The following DCC variants were observed in gnomAD, a reference collection of about 807,000 sequenced individuals.
The protein encoded by DCC is DCC netrin 1 receptor.
Under a neutral mutation model 172.5 loss-of-function variants are expected in DCC, and 58 were observed. That is an observed-to-expected ratio of 0.34 (90% CI 0.27 to 0.42). The LOEUF is 0.42. DCC is among the 10% of genes least tolerant of loss of function. The probability of loss-of-function intolerance (pLI) is 1.00; values close to 1 mark genes in which losing one functional copy is unlikely to be tolerated. For synonymous variants in DCC, 709 were observed against 644.5 expected (o/e 1.10, Z -1.52); for missense variants, 1,740 against 1,791.0 (o/e 0.97, Z 0.51).
At chr18:52,970,052 T>C (rs1460003253) in intron 5 of DCC, among the ~76,000 whole-genome samples, 3 of 152,178 alleles carry the variant, frequency 2.0e-5, no homozygotes, top group Admixed American at 6.6e-5. Context: ...TAAAGAATTA[T>C]GATTTTATGG....
chr18:52,541,815 C>T (rs867166743), intron 1 of DCC, among the ~76,000 whole-genome samples: 2 of 147,694 alleles, frequency 1.4e-5, no homozygotes, highest in South Asian at 2.1e-4. Context: ...TTTTGGGAAG[C>T]TCCTTGTATG....
intron 27 of DCC, among the ~76,000 whole-genome samples, chr18:53,525,490 G>A (rs2046444650): frequency 6.6e-6 from 1 of 152,072 alleles, no homozygotes; most frequent in South Asian, 2.1e-4. Flanking sequence ...GTCACGGGAT[G>A]GGAAAAGATG....
intron 1 of DCC, among the ~76,000 whole-genome samples, chr18:52,492,431 A>G (rs2030549624): frequency 6.6e-6 from 1 of 151,946 alleles, no homozygotes; most frequent in Admixed American, 6.6e-5. Flanking sequence ...CTTGAGAGAA[A>G]AAGATGAGAT....
intron 5 of DCC, among the ~76,000 whole-genome samples, chr18:53,048,842 C>T (rs960346029): frequency 8.6e-5 from 13 of 151,802 alleles, no homozygotes; most frequent in African/African-American, 2.9e-4. Flanking sequence ...CTCACCAGCA[C>T]CTGTTATTTT....
intron 15 of DCC, among the ~76,000 whole-genome samples, chr18:53,353,330 T>TA (rs2057834525): frequency 1.3e-5 from 2 of 151,226 alleles, no homozygotes; most frequent in African/African-American, 4.9e-5. Flanking sequence ...TCTATTTTTT[T>TA]AAAAAAACTA....
chr18:53,169,533 CA>C, intron 8 of DCC, among the ~76,000 whole-genome samples: 1 of 152,232 alleles, frequency 6.6e-6, no homozygotes, highest in East Asian at 1.9e-4. Context: ...GGCTTAACTC[CA>C]CCACACTGCC....
chr18:52,423,552 A>G lies in DCC; in HGVS notation c.91+82674A>G, dbSNP rs538832000. 4.9e-5 allele frequency among the ~76,000 whole-genome samples: 7 copies of G among 144,306 alleles called. No individual in the cohort carries two copies. The East Asian group carries it at 1.0e-3, about 21-fold the overall frequency. 94.7% of individuals were successfully genotyped at this position (144,306 alleles called of 152,430 possible). Reference sequence around the variant, plus strand: ...ATGAAGCCTGCTTTTCTCCTGTCAGAAAAAAAAAAAAAGTTTCCATTCTGT... The same window carrying G: ...ATGAAGCCTGCTTTTCTCCTGTCAGGAAAAAAAAAAAAGTTTCCATTCTGT... On this transcript the variant is annotated intron_variant, in intron 1 of 28. Coordinates refer to ENST00000442544, the MANE Select transcript of DCC (RefSeq NM_005215.4).
chr18:53,425,553 G>T (rs181564137), intron 21 of DCC, among the ~76,000 whole-genome samples: 1 of 151,816 alleles, frequency 6.6e-6, no homozygotes, highest in East Asian at 1.9e-4. Flanking sequence ...GTAGCGGTGG[G>T]GTTTCACCAT....
At chr18:52,614,022 G>C (rs1316450491) in intron 1 of DCC, among the ~76,000 whole-genome samples, 1 of 152,144 alleles carries the variant, frequency 6.6e-6, no homozygotes, top group Non-Finnish European at 1.5e-5. Context: ...AGGGATTCCA[G>C]ACTGTTCTGG....
chr18:52,491,050 T>C (rs1163438646), intron 1 of DCC, among the ~76,000 whole-genome samples: 1 of 152,136 alleles, frequency 6.6e-6, no homozygotes, highest in Non-Finnish European at 1.5e-5. Context: ...CAGTTCCATT[T>C]AACACCTCTT....
intron 16 of DCC, among the ~76,000 whole-genome samples, chr18:53,389,463 T>C (rs779748187): frequency 4.6e-5 from 7 of 152,182 alleles, no homozygotes; most frequent in Non-Finnish European, 1.0e-4. Context: ...CACTAGGTTT[T>C]TATAGCAATT....
chr18:53,228,867 A>C (rs1400118684), intron 12 of DCC, among the ~76,000 whole-genome samples: 1 of 152,186 alleles, frequency 6.6e-6, no homozygotes, highest in Non-Finnish European at 1.5e-5. Context: ...CTAGTGCATT[A>C]TTAGTTGCAG....
At chr18:52,511,298 A>G (rs1053680169) in intron 1 of DCC, among the ~76,000 whole-genome samples, 1 of 142,590 alleles carries the variant, frequency 7.0e-6, no homozygotes, top group Non-Finnish European at 1.6e-5. Context: ...AAAAAAAAAA[A>G]GAAAGAAAGA....
chr18:53,114,944 G>A (rs1411503024), intron 7 of DCC, among the ~76,000 whole-genome samples: 1 of 151,646 alleles, frequency 6.6e-6, no homozygotes, highest in African/African-American at 2.4e-5. Flanking sequence ...AAGGCCCACT[G>A]CCATCAATGC....
intron 1 of DCC, among the ~76,000 whole-genome samples, chr18:52,658,232 T>A (rs1281871189): frequency 6.6e-6 from 1 of 152,200 alleles, no homozygotes; most frequent in Non-Finnish European, 1.5e-5. Flanking sequence ...CAGTTATATG[T>A]TCAGCCAACT....
chr18:53,468,335 A>T (rs1290383522), intron 25 of DCC, among the ~76,000 whole-genome samples: 1 of 49,898 alleles, frequency 2.0e-5, no homozygotes, highest in Non-Finnish European at 4.5e-5. Context: ...TCATCTCCAT[A>T]GTTTATTTTT....
intron 27 of DCC, among the ~76,000 whole-genome samples, chr18:53,522,766 A>ATTTGACCC (rs2046414047): frequency 6.6e-6 from 1 of 152,200 alleles, no homozygotes; most frequent in African/African-American, 2.4e-5. Flanking sequence ...AAATTAACTC[A>ATTTGACCC]AGATGGATTA....
intron 1 of DCC, among the ~76,000 whole-genome samples, chr18:52,393,696 ATACT>A (rs1316385064): frequency 1.3e-5 from 2 of 152,082 alleles, no homozygotes; most frequent in Non-Finnish European, 2.9e-5. Flanking sequence ...AAACCTGTTC[ATACT>A]TACAACACAA....
intron 1 of DCC, among the ~76,000 whole-genome samples, chr18:52,463,998 G>T (rs1403891948): frequency 6.6e-6 from 1 of 151,952 alleles, no homozygotes; most frequent in Admixed American, 6.6e-5. Flanking sequence ...TTGTGTAGTG[G>T]GTCCTCTTCA....
Sources: gnomAD v4.1 joint callset for allele counts (sites outside exome capture counted in the v4.1 genomes callset) on GRCh38, gnomAD v4.1.1 for gene constraint, MANE v1.5 for transcripts, NCBI Gene and HGNC (gene_info 2026-07-23, HGNC 2026-07-21) for gene names.